Variants in FAT1 observed in about 807,000 individuals in gnomAD.
FAT1 encodes FAT atypical cadherin 1.
Under a neutral mutation model 329.8 loss-of-function variants are expected in FAT1, and 171 were observed. That is an observed-to-expected ratio of 0.52 (90% CI 0.46 to 0.59). The LOEUF (loss-of-function observed/expected upper bound fraction) is 0.59. Among genes scored for constraint, FAT1 ranks in the 20% least tolerant of loss-of-function variants. FAT1 has a pLI of 0.00. For synonymous variants in FAT1, 2,233 were observed against 2,228.6 expected (o/e 1.00, Z -0.06); for missense variants, 5,672 against 5,774.4 (o/e 0.98, Z 0.57).
intron 26 of FAT1, chr4:186,592,594 C>T: frequency 2.3e-6 from 1 of 433,908 alleles, no homozygotes; most frequent in Non-Finnish European, 4.6e-6. Context: ...CTCAAAACCA[C>T]AAACTGTTTT....
rs755378789 is a variant in FAT1, at chr4:186,620,284, C to T, written c.6302G>A (p.Arg2101His). The change falls in exon 10 of 27, where the codon CGC (arginine) becomes CAC (histidine). Residue 2101 changes from arginine (R) to histidine (H), a missense_variant. Coordinates refer to ENST00000441802, the MANE Select transcript of FAT1 (RefSeq NM_005245.4). Reference sequence around the variant, plus strand: ...GTCTCTGTCTACAGCAGTGACATAGCGAATGACATGGCCCACCTCAGTGTC... The same window carrying T: ...GTCTCTGTCTACAGCAGTGACATAGTGAATGACATGGCCCACCTCAGTGTC... ...KVDTEVGHVI[R>H]YVTAVDRDSG... The T allele has an allele frequency of 3.7e-5, 59 of 1,613,838 alleles. No homozygotes were observed. Among genetic ancestry groups the T allele is most frequent in the African/African-American group, 1.9e-4 (14 of 74,892 alleles).
At chr4:186,643,251 G>A (rs980981199) in intron 3 of FAT1, among the ~76,000 whole-genome samples, 1 of 152,138 alleles carries the variant, frequency 6.6e-6, no homozygotes, top group African/African-American at 2.4e-5. Flanking sequence ...CTGCTGGACG[G>A]CACCGGTCTA....
chr4:186,721,911 T>A (rs190399414), intron 1 of FAT1, among the ~76,000 whole-genome samples: 8 of 152,360 alleles, frequency 5.3e-5, no homozygotes, highest in Admixed American at 5.2e-4. Flanking sequence ...CGATCTCGGC[T>A]TACCACAACC....
In FAT1 at chr4:186,620,268, T is replaced by C. The variant is rs1243545884; in HGVS notation, c.6318A>G (p.Val2106=). 1 of 1,614,044 alleles carries C rather than the reference T, an allele frequency of 6.2e-7. No individual in the cohort carries two copies. Among genetic ancestry groups the C allele is most frequent in the Admixed American group, 1.7e-5 (1 of 60,032 alleles). ...CCCCGTTTCTGCCACTGTCTCTGTC[T>C]ACAGCAGTGACATAGCGAATGACAT... The part of the protein sequence containing the change: ...VGHVIRYVTA[V]DRDSGRNGEV... The change falls in exon 10 of 27, where the codon GTA becomes GTG. Residue 2106 remains valine (V), a synonymous_variant. Coordinates refer to ENST00000441802, the MANE Select transcript of FAT1 (RefSeq NM_005245.4).
At chr4:186,684,615 A>G (rs1246129900) in intron 2 of FAT1, among the ~76,000 whole-genome samples, 1 of 152,144 alleles carries the variant, frequency 6.6e-6, no homozygotes, top group Non-Finnish European at 1.5e-5. Context: ...AGCAACTAAC[A>G]TTCCTCTCAC....
At position 186,634,315 on chromosome 4, in the gene FAT1, G is replaced by T. The variant is rs1176640617; in HGVS notation, c.4184-492C>A. On this transcript the variant is annotated intron_variant, in intron 6 of 26. Transcript: ENST00000441802. Reference sequence around the variant, plus strand: ...CTGGCTACTATAAACTATTTGAAAAGAATTTTTTTTCTCATTTTTGACAAA... The same window carrying T: ...CTGGCTACTATAAACTATTTGAAAATAATTTTTTTTCTCATTTTTGACAAA... Among the ~76,000 whole-genome samples the T allele has an allele frequency of 3.3e-5, 5 of 152,196 alleles. 1 individual carries two copies. The highest frequency in any genetic ancestry group is 6.8e-3 in the Middle Eastern group (2 of 294).
chr4:186,699,383 C>T (rs983313266), intron 2 of FAT1, among the ~76,000 whole-genome samples: 3 of 152,122 alleles, frequency 2.0e-5, no homozygotes, highest in Admixed American at 6.5e-5. Flanking sequence ...TTGAGCCACT[C>T]GGAGGCCTAG....
chr4:186,605,554 G>A (rs1435829670), intron 17 of FAT1, among the ~76,000 whole-genome samples: 1 of 118,856 alleles, frequency 8.4e-6, no homozygotes, highest in Non-Finnish European at 1.8e-5. Flanking sequence ...GAGGAGGAAT[G>A]GAGAAGAGGT....
intron 14 of FAT1, among the ~76,000 whole-genome samples, chr4:186,610,842 G>C (rs1378240745): frequency 6.6e-6 from 1 of 151,254 alleles, no homozygotes; most frequent in Non-Finnish European, 1.5e-5. Flanking sequence ...AAGCATTCAC[G>C]CAGCAGGAGT....
Position 186,709,284 on chromosome 4 carries a change from C to T in FAT1, c.544G>A (p.Gly182Arg), listed in dbSNP as rs1425607166. The T allele has an allele frequency of 3.3e-5, 54 of 1,613,824 alleles. No homozygotes were observed. The highest frequency in any genetic ancestry group is 1.6e-4 in the Middle Eastern group (1 of 6,084). ...TCTTTAAAACTGTAGTAAAATTCCC[C>T]GTTGGTTCCTATGTCTGCATCCGTG... ...SATDADIGTN[G>R]EFYYSFKDRT... The change falls in exon 2 of 27, where the codon GGG becomes AGG. Residue 182 changes from glycine (G) to arginine (R), a missense_variant. Physicochemically the swap from Gly to Arg is moderately radical, Grantham distance 125. Coordinates refer to ENST00000441802, the MANE Select transcript of FAT1 (RefSeq NM_005245.4).
chr4:186,710,476 G>A (rs935405458), intron 1 of FAT1, among the ~76,000 whole-genome samples: 8 of 152,114 alleles, frequency 5.3e-5, no homozygotes, highest in Non-Finnish European at 8.8e-5. Flanking sequence ...TTCGCTCTAT[G>A]TAACTACTTA....
At chr4:186,628,060 G>T in intron 9 of FAT1, 94 bp downstream of exon 9, 1 of 1,340,596 alleles carries the variant, frequency 7.5e-7, no homozygotes, top group Non-Finnish European at 1.0e-6. Context: ...CAGATACATA[G>T]AAATGCTTCA....
intron 26 of FAT1, among the ~76,000 whole-genome samples, chr4:186,591,482 A>T (rs1011338957): frequency 1.3e-5 from 2 of 152,266 alleles, no homozygotes; most frequent in South Asian, 4.1e-4. Context: ...AAAAAGATCA[A>T]CAACTTTTGT....
chr4:186,697,390 G>C lies in FAT1; in HGVS notation c.3265+9173C>G, dbSNP rs552649458. Among the ~76,000 whole-genome samples the C allele has an allele frequency of 2.0e-4, 31 of 152,310 alleles. 1 individual carries two copies. In the East Asian group the frequency reaches 5.8e-3, roughly 29 times the overall value. On this transcript the variant is annotated intron_variant, in intron 2 of 26. Transcript: ENST00000441802. ...CCTCAGAACGCACAGATGTGGGTGT[G>C]CGCGGACGGTCCAGAAACCGATCCC...
chr4:186,595,595 G>C, intron 26 of FAT1, 94 bp downstream of exon 26: 2 of 1,390,824 alleles, frequency 1.4e-6, no homozygotes, highest in Non-Finnish European at 2.0e-6. Flanking sequence ...AATATGGTGA[G>C]GCTTTAAGGG....
intron 2 of FAT1, among the ~76,000 whole-genome samples, chr4:186,672,811 A>C (rs1037796120): frequency 6.6e-6 from 1 of 152,142 alleles, no homozygotes; most frequent in Non-Finnish European, 1.5e-5. Context: ...CCTGTCCTTC[A>C]ATTGGAGGGA....
At position 186,618,110 on chromosome 4, in the gene FAT1, T is replaced by A. The variant is rs1209709913; in HGVS notation, c.8476A>T (p.Ser2826Cys). The change falls in exon 10 of 27, where the codon AGT becomes TGT. Residue 2826 changes from serine (S) to cysteine (C), a missense_variant. Physicochemically the swap from Ser to Cys is moderately radical, Grantham distance 112 (BLOSUM62 -1). Coordinates refer to ENST00000441802, the MANE Select transcript of FAT1 (RefSeq NM_005245.4). ...GATGCCCTGATCTGAATTACTCTAC[T>A]TCCCCCTGGCAGGTTTTCAACAATG... ...AFIVENLPGG[S>C]RVIQIRASDA... 6.2e-7 allele frequency: 1 copy of A among 1,614,052 alleles called. No homozygotes were observed. Among genetic ancestry groups the A allele is most frequent in the Non-Finnish European group, 8.5e-7 (1 of 1,179,892 alleles).
Position 186,603,365 on chromosome 4 carries a change from C to T in FAT1, c.11161G>A (p.Asp3721Asn). ...LLHKINSSVT[D>N]IEEIIGVRIL... ...CTAACTCCAATGATTTCCTCAATGT[C>T]AGTCACGGAAGAGTTAATCTTGTGC... The change falls in exon 19 of 27, where the codon GAC (aspartate) becomes AAC (asparagine). Residue 3721 changes from aspartate to asparagine, a missense_variant. Physicochemically the swap from Asp to Asn is conservative, Grantham distance 23. Around this residue, in one of 2 missense-constraint regions of FAT1, gnomAD observed 1,706 missense variants for 1,859.1 expected, o/e 0.92. Coordinates refer to ENST00000441802, the MANE Select transcript of FAT1 (RefSeq NM_005245.4). 1 of 1,613,994 alleles carries T rather than the reference C, an allele frequency of 6.2e-7. No individual in the cohort carries two copies. The highest frequency in any genetic ancestry group is 8.5e-7 in the Non-Finnish European group (1 of 1,179,892).
intron 26 of FAT1, among the ~76,000 whole-genome samples, chr4:186,592,402 T>C (rs1440001618): frequency 1.3e-5 from 2 of 152,214 alleles, no homozygotes; most frequent in South Asian, 2.1e-4. Flanking sequence ...AAAAAAATTT[T>C]AGGTAAAATT....
Sources: gnomAD v4.1 joint callset for allele counts (sites outside exome capture counted in the v4.1 genomes callset) on GRCh38, gnomAD v4.1.1 for gene constraint, gnomAD v4.1.1 regional missense constraint, MANE v1.5 for transcripts, NCBI Gene and HGNC (gene_info 2026-07-23, HGNC 2026-07-21) for gene names.